ELAPOR1: variants seen among roughly 807,000 people sequenced by gnomAD.
ELAPOR1 encodes endosome-lysosome associated apoptosis and autophagy regulator 1, also known as endosome/lysosome-associated apoptosis and autophagy regulator 1.
ELAPOR1 carries 77 observed loss-of-function variants against 119.7 expected under a neutral mutation model. The observed-to-expected ratio is 0.64, with a 90% CI of 0.54 to 0.78. ELAPOR1 has a LOEUF of 0.78. Among genes scored for constraint, ELAPOR1 ranks in the 30% least tolerant of loss-of-function variants. The pLI, the probability that ELAPOR1 is intolerant of heterozygous loss-of-function variation, is 0.00. For synonymous variants in ELAPOR1, 481 were observed against 487.2 expected, an observed-to-expected ratio of 0.99 and a Z score of 0.17; for missense variants, 1,115 against 1,270.4, an observed-to-expected ratio of 0.88 and a Z score of 1.86.
intron 1 of ELAPOR1, among the ~76,000 whole-genome samples, chr1:109,150,060 G>C (rs529506438): frequency 2.9e-4 from 44 of 152,324 alleles, no homozygotes; most frequent in African/African-American, 1.0e-3. Flanking sequence ...TGTTTTCCAA[G>C]AACCCTCATG....
intron 17 of ELAPOR1, 24 bp downstream of exon 17, chr1:109,198,099 T>G: frequency 6.4e-7 from 1 of 1,573,690 alleles, no homozygotes; most frequent in Non-Finnish European, 8.7e-7. Context: ...GCTAGGCTAA[T>G]GCAAGTGAAA....
intron 1 of ELAPOR1, among the ~76,000 whole-genome samples, chr1:109,142,282 A>T (rs770075522): frequency 6.6e-6 from 1 of 152,366 alleles, no homozygotes; most frequent in South Asian, 2.1e-4. Flanking sequence ...ATTGAACTAG[A>T]AGACGTATAG....
intron 3 of ELAPOR1, among the ~76,000 whole-genome samples, chr1:109,167,124 C>T (rs1651649472): frequency 6.6e-6 from 1 of 152,184 alleles, no homozygotes; most frequent in Non-Finnish European, 1.5e-5. Flanking sequence ...AACCAACTCC[C>T]ATTTGAGTCC....
chr1:109,192,975 G>A lies in ELAPOR1; in HGVS notation c.1947+101G>A, dbSNP rs111250826. 5,241 of 1,334,846 alleles carry A rather than the reference G, an allele frequency of 3.9e-3. 84 individuals carry two copies. Among genetic ancestry groups the A allele is most frequent in the South Asian group, 0.037 (2,609 of 71,426 alleles). The allele number at this position is 1,334,846 out of a possible 1,614,324, so 82.7% of individuals were successfully genotyped here. ...GGGTTCTTGAGAGGCTGATACCCGA[G>A]TGCTCCCCCTAGCATACTCCTAGGT... is the stretch of plus-strand genomic sequence containing the variant. On this transcript the variant is annotated intron_variant, in intron 14 of 21. Coordinates refer to ENST00000369939, the MANE Select transcript of ELAPOR1 (RefSeq NM_020775.5).
At position 109,200,841 on chromosome 1, in the gene ELAPOR1, G is replaced by A. The variant is rs747211369; in HGVS notation, c.2914G>A (p.Asp972Asn). ...AIMEGEDVED[D>N]LIFTSKKSLF... is the part of the protein sequence containing the mutation. ...CATGGAAGGCGAGGATGTAGAGGAC[G>A]ACCTCATCTTTACCAGCAAGAAGTC... The change falls in exon 21 of 22, where the codon GAC (aspartate) becomes AAC (asparagine). Residue 972 changes from aspartate to asparagine, a missense_variant. Coordinates refer to ENST00000369939, the MANE Select transcript of ELAPOR1 (RefSeq NM_020775.5). 23 of 1,614,054 alleles carry A rather than the reference G, an allele frequency of 1.4e-5. No homozygotes were observed. The highest frequency in any genetic ancestry group is 5.3e-5 in the African/African-American group (4 of 74,920).
chr1:109,149,342 A>G lies in ELAPOR1; in HGVS notation c.154-12552A>G, dbSNP rs547346132. ...TAACCAGTTTACAAAGAGCTTGCCT[A>G]AACATAATGCCCTAATCATCCAGAG... On this transcript the variant is annotated intron_variant, in intron 1 of 21. Coordinates refer to ENST00000369939, the MANE Select transcript of ELAPOR1 (RefSeq NM_020775.5). Among the ~76,000 whole-genome samples the G allele has an allele frequency of 3.9e-5, 6 of 152,130 alleles. No homozygotes were observed. In the East Asian group the frequency reaches 1.2e-3, roughly 29 times the overall value.
intron 2 of ELAPOR1, among the ~76,000 whole-genome samples, chr1:109,164,163 C>G (rs1651428436): frequency 6.6e-6 from 1 of 152,096 alleles, no homozygotes; most frequent in South Asian, 2.1e-4. Flanking sequence ...TTTTAATCAT[C>G]CTAAAAAGAA....
At chr1:109,180,289 T>C (rs1327845182) in intron 7 of ELAPOR1, among the ~76,000 whole-genome samples, 1 of 152,196 alleles carries the variant, frequency 6.6e-6, no homozygotes, top group African/African-American at 2.4e-5. Context: ...CTCCACCAAT[T>C]AGTAGCAGTG....
chr1:109,179,848 G>A (rs1652589043), intron 7 of ELAPOR1, among the ~76,000 whole-genome samples: 1 of 152,078 alleles, frequency 6.6e-6, no homozygotes, highest in Admixed American at 6.5e-5. Context: ...AGAGGTTGCA[G>A]TGAGCCGAGA....
chr1:109,164,465 C>A, intron 2 of ELAPOR1, 34 bp from the exon 3 acceptor site: 1 of 1,577,566 alleles, frequency 6.3e-7, no homozygotes, highest in Non-Finnish European at 8.6e-7. Flanking sequence ...GCAGTGACCT[C>A]ACTGCCCCAC....
At chr1:109,198,739 C>A in intron 18 of ELAPOR1, 65 bp downstream of exon 18, 1 of 1,388,178 alleles carries the variant, frequency 7.2e-7, no homozygotes, top group Admixed American at 2.0e-5. Flanking sequence ...ATCCTGAGAT[C>A]CAGAGATTAC....
At chr1:109,142,477 T>A (rs148854642) in intron 1 of ELAPOR1, among the ~76,000 whole-genome samples, 11,021 of 152,270 alleles carry the variant, frequency 0.072, 444 homozygotes, top group Non-Finnish European at 0.09. Flanking sequence ...TCTCAAGCTA[T>A]CAGTGTCACT....
chr1:109,174,602 G>A (rs937053686), intron 7 of ELAPOR1, among the ~76,000 whole-genome samples: 2 of 151,584 alleles, frequency 1.3e-5, no homozygotes, highest in Admixed American at 1.3e-4. Flanking sequence ...AGAAATAGAT[G>A]ATACATATAT....
chr1:109,196,808 G>A lies in ELAPOR1; in HGVS notation c.2122-666G>A, dbSNP rs143476275. 3.4e-3 allele frequency among the ~76,000 whole-genome samples: 522 copies of A among 152,090 alleles called. 1 individual carries two copies. The highest frequency in any genetic ancestry group is 5.1e-3 in the Non-Finnish European group (349 of 67,998). ...AGCGATTCTCCTGCCTCAGCCTCCC[G>A]AGTAGCTGGGACTACAGGCATGCGC... On this transcript the variant is annotated intron_variant, in intron 15 of 21. Coordinates refer to ENST00000369939, the MANE Select transcript of ELAPOR1 (RefSeq NM_020775.5).
intron 13 of ELAPOR1, 64 bp downstream of exon 13, chr1:109,191,927 A>C: frequency 6.3e-7 from 1 of 1,576,866 alleles, no homozygotes. Context: ...GACTCCTAGC[A>C]TTAGCTTAAG....
At chr1:109,180,875 G>T (rs746934603) in intron 7 of ELAPOR1, among the ~76,000 whole-genome samples, 2 of 152,108 alleles carry the variant, frequency 1.3e-5, no homozygotes, top group Non-Finnish European at 2.9e-5. Context: ...TGAGGTGGGA[G>T]GATCACCTGA....
rs1653663378 is a variant in ELAPOR1, at chr1:109,194,556, T to C, written c.2083T>C (p.Tyr695His). The change falls in exon 15 of 22, where the codon TAC (tyrosine) becomes CAC (histidine). Residue 695 changes from tyrosine (Y) to histidine (H), a missense_variant. Coordinates refer to ENST00000369939, the MANE Select transcript of ELAPOR1 (RefSeq NM_020775.5). ...GPSFTSKGLK[Y>H]FHHFTLSLCG... ...AAGCTTCACTTCCAAAGGGCTGAAA[T>C]ACTTCCATCACTTTACCCTCAGTCT... is the stretch of plus-strand genomic sequence containing the variant. The C allele has an allele frequency of 1.9e-6, 3 of 1,613,970 alleles. No homozygotes were observed. Among genetic ancestry groups the C allele is most frequent in the Non-Finnish European group, 2.5e-6 (3 of 1,179,786 alleles).
intron 7 of ELAPOR1, among the ~76,000 whole-genome samples, chr1:109,174,816 T>C (rs1237973904): frequency 6.6e-6 from 1 of 151,908 alleles, no homozygotes; most frequent in Non-Finnish European, 1.5e-5. Flanking sequence ...CCCAGGTTCA[T>C]GCCATTCTTC....
chr1:109,124,041 G>A (rs1035744301), intron 1 of ELAPOR1, among the ~76,000 whole-genome samples: 1 of 152,152 alleles, frequency 6.6e-6, no homozygotes, highest in African/African-American at 2.4e-5. Context: ...GACCTCAGGT[G>A]ATCTACCCCC....
Sources: allele counts gnomAD v4.1 joint callset (sites outside exome capture counted in the v4.1 genomes callset), GRCh38; gene constraint gnomAD v4.1.1; transcripts MANE v1.5; gene names NCBI Gene and HGNC (gene_info 2026-07-23, HGNC 2026-07-21).